AGAP1: variants seen among roughly 807,000 people sequenced by gnomAD.
AGAP1 encodes the protein ArfGAP with GTPase domain, ankyrin repeat and PH domain 1.
In AGAP1, 29 loss-of-function variants were observed where a neutral mutation model predicts 105.3. That is an observed-to-expected ratio of 0.28 (90% confidence interval 0.21 to 0.38). AGAP1 has a LOEUF of 0.38. Among genes scored for constraint, AGAP1 ranks in the 10% least tolerant of loss-of-function variants. The pLI is 1.00. For synonymous variants in AGAP1, 509 were observed against 485.9 expected, an observed-to-expected ratio of 1.05 and a Z score of -0.63; for missense variants, 998 against 1,165.1, an observed-to-expected ratio of 0.86 and a Z score of 2.09.
rs956521379 is a variant in AGAP1, at chr2:235,750,736, A to G, written c.673+248A>G. ...CTGGTGTTGGGTCTGTGTGTCTCCTATGGGGCCTTTTTGTGTACAGGATAG... is the reference window on the plus strand; with the variant it reads ...CTGGTGTTGGGTCTGTGTGTCTCCTGTGGGGCCTTTTTGTGTACAGGATAG... On this transcript the variant is annotated intron_variant, in intron 6 of 17. Transcript: ENST00000304032. The surrounding 1 kb of genome is among the most constrained non-coding windows in gnomAD (Gnocchi z 5.3). Among the ~76,000 whole-genome samples, 11 of 152,166 alleles carry G rather than the reference A, an allele frequency of 7.2e-5. No homozygotes were observed. The highest frequency in any genetic ancestry group is 2.2e-4 in the African/African-American group (9 of 41,446).
At position 235,971,741 on chromosome 2, in the gene AGAP1, T is replaced by TTTA. The variant is rs2054651775; in HGVS notation, c.1645+3120_1645+3121insATT. On this transcript the variant is annotated intron_variant, in intron 13 of 17. Coordinates refer to ENST00000304032, the MANE Select transcript of AGAP1 (RefSeq NM_001037131.3). The surrounding 1 kb of genome is among the most constrained non-coding windows in gnomAD (Gnocchi z 4.8). Reference sequence around the variant, plus strand: ...ACTAAAGCTAGTTATATATGTTTTATTTTATTTATTTATTTATTTATTTAT... The same window carrying TTTA: ...ACTAAAGCTAGTTATATATGTTTTATTTATTTATTTATTTATTTATTTATTTAT... 6.9e-6 allele frequency among the ~76,000 whole-genome samples: 1 copy of TTTA among 145,678 alleles called. No individual in the cohort carries two copies. Among genetic ancestry groups the TTTA allele is most frequent in the African/African-American group, 2.6e-5 (1 of 38,834 alleles).
At chr2:235,514,294 T>C (rs1266763905) in intron 1 of AGAP1, among the ~76,000 whole-genome samples, 1 of 152,268 alleles carries the variant, frequency 6.6e-6, no homozygotes, top group African/African-American at 2.4e-5. Context: ...GCTTAAGCCT[T>C]TAAATAGCTC....
At chr2:236,115,226 C>T (rs548998545) in intron 16 of AGAP1, among the ~76,000 whole-genome samples, 22 of 152,338 alleles carry the variant, frequency 1.4e-4, no homozygotes, top group African/African-American at 4.6e-4. Flanking sequence ...TTTCTTCAGT[C>T]GTGACAGCCG....
In AGAP1 at chr2:235,601,597, G is replaced by C. The variant is rs757207577; in HGVS notation, c.163+106748G>C. Among the ~76,000 whole-genome samples the C allele has an allele frequency of 2.8e-4, 43 of 152,106 alleles. No individual in the cohort carries two copies. The highest frequency in any genetic ancestry group is 5.7e-4 in the Non-Finnish European group (39 of 68,032). Reference sequence around the variant, plus strand: ...GAGACTTATTTTCTACCACAGAACAGAATAGGGGAACCCACCCCCAAGATT... The same window carrying C: ...GAGACTTATTTTCTACCACAGAACACAATAGGGGAACCCACCCCCAAGATT... On this transcript the variant is annotated intron_variant, in intron 1 of 17. Coordinates refer to ENST00000304032, the MANE Select transcript of AGAP1 (RefSeq NM_001037131.3). The surrounding 1 kb of genome is among the most constrained non-coding windows in gnomAD (Gnocchi z 4.4).
Position 235,967,873 on chromosome 2 carries a change from G to GCAGGC in AGAP1, c.1484-587_1484-583dup, listed in dbSNP as rs2054473197. Among the ~76,000 whole-genome samples, 1 of 152,158 alleles carries GCAGGC rather than the reference G, an allele frequency of 6.6e-6. No individual in the cohort carries two copies. Among genetic ancestry groups the GCAGGC allele is most frequent in the Non-Finnish European group, 1.5e-5 (1 of 68,034 alleles). ...AGTAGCTTCAATGAATCAAAAATTG[G>GCAGGC]CAGGCCTACTATATCGACTTCCAAA... is the stretch of plus-strand genomic sequence containing the variant. On this transcript the variant is annotated intron_variant, in intron 12 of 17. Coordinates refer to ENST00000304032, the MANE Select transcript of AGAP1 (RefSeq NM_001037131.3). The surrounding 1 kb of genome is among the most constrained non-coding windows in gnomAD (Gnocchi z 4.7).
intron 13 of AGAP1, among the ~76,000 whole-genome samples, chr2:236,021,453 C>CA (rs1446385534): frequency 6.6e-6 from 1 of 152,144 alleles, no homozygotes; most frequent in Non-Finnish European, 1.5e-5. Context: ...TAGGCCTGCC[C>CA]AACATGGCCG....
intron 6 of AGAP1, among the ~76,000 whole-genome samples, chr2:235,765,852 A>G (rs1954908662): frequency 6.6e-6 from 1 of 152,208 alleles, no homozygotes; most frequent in Non-Finnish European, 1.5e-5. Context: ...GCCCGCACCA[A>G]GATTTCATTA....
Position 235,689,661 on chromosome 2 carries a change from G to C in AGAP1, c.164-19518G>C, listed in dbSNP as rs1178670206. On this transcript the variant is annotated intron_variant, in intron 1 of 17. Transcript: ENST00000304032. This position sits in a 1 kb window ranked among gnomAD's most constrained non-coding sequence, Gnocchi z 4.2. Reference sequence around the variant, plus strand: ...AGGGACCTCCCCTAACCTCAAATCTGTGTAATGAAGTATCTGCAACATTTC... The same window carrying C: ...AGGGACCTCCCCTAACCTCAAATCTCTGTAATGAAGTATCTGCAACATTTC... 6.6e-6 allele frequency among the ~76,000 whole-genome samples: 1 copy of C among 152,200 alleles called. No individual in the cohort carries two copies. Among genetic ancestry groups the C allele is most frequent in the African/African-American group, 2.4e-5 (1 of 41,460 alleles).
intron 13 of AGAP1, among the ~76,000 whole-genome samples, chr2:236,032,923 G>A (rs78229837): frequency 0.028 from 4,333 of 152,300 alleles, 85 homozygotes; most frequent in Non-Finnish European, 0.043. Flanking sequence ...CCAGTATACG[G>A]AGAAGACAGG....
At chr2:236,081,239 G>T (rs1444371932) in intron 16 of AGAP1, among the ~76,000 whole-genome samples, 1 of 152,076 alleles carries the variant, frequency 6.6e-6, no homozygotes, top group African/African-American at 2.4e-5. Flanking sequence ...TAAGGACAGT[G>T]GGCAGGAGGC....
At position 235,963,968 on chromosome 2, in the gene AGAP1, A is replaced by G. The variant is rs969766225; in HGVS notation, c.1484-4494A>G. Reference sequence around the variant, plus strand: ...ACACTCATAAAAACAACCGCTGGATAACGGAAGAGAGTTTATGATATAATG... The same window carrying G: ...ACACTCATAAAAACAACCGCTGGATGACGGAAGAGAGTTTATGATATAATG... On this transcript the variant is annotated intron_variant, in intron 12 of 17. Transcript: ENST00000304032. This position sits in a 1 kb window ranked among gnomAD's most constrained non-coding sequence, Gnocchi z 5.1. 2.0e-5 allele frequency among the ~76,000 whole-genome samples: 3 copies of G among 152,154 alleles called. No homozygotes were observed. The highest frequency in any genetic ancestry group is 4.4e-5 in the Non-Finnish European group (3 of 68,040).
At chr2:235,814,942 C>T (rs956475746) in intron 9 of AGAP1, among the ~76,000 whole-genome samples, 6 of 152,104 alleles carry the variant, frequency 3.9e-5, no homozygotes, top group South Asian at 2.1e-4. Flanking sequence ...CATGGCCGCA[C>T]GGAGTGGATC....
At position 235,553,694 on chromosome 2, in the gene AGAP1, G is replaced by A. The variant is rs1231925445; in HGVS notation, c.163+58845G>A. Among the ~76,000 whole-genome samples the A allele has an allele frequency of 1.3e-5, 2 of 151,952 alleles. No homozygotes were observed. The highest frequency in any genetic ancestry group is 2.1e-4 in the South Asian group (1 of 4,810). On this transcript the variant is annotated intron_variant, in intron 1 of 17. Coordinates refer to ENST00000304032, the MANE Select transcript of AGAP1 (RefSeq NM_001037131.3). The surrounding 1 kb of genome is among the most constrained non-coding windows in gnomAD (Gnocchi z 4.5). ...AAGTTGCCTCCAGGGCCCTGGATTT[G>A]GAGGGAGCCAACTGCCAGAGTCTCA...
Position 235,825,488 on chromosome 2 carries a change from A to G in AGAP1, c.1050+18157A>G, listed in dbSNP as rs185151981. Among the ~76,000 whole-genome samples the G allele has an allele frequency of 8.2e-4, 125 of 152,278 alleles. 2 individuals are homozygous for G. In the East Asian group the frequency reaches 0.02, roughly 24 times the overall value. On this transcript the variant is annotated intron_variant, in intron 9 of 17. Transcript: ENST00000304032. Reference sequence around the variant, plus strand: ...TTTTTCTATTGCCCTTCCCGTGATCACTTATGCATATAAATATCATTATGC... The same window carrying G: ...TTTTTCTATTGCCCTTCCCGTGATCGCTTATGCATATAAATATCATTATGC...
intron 1 of AGAP1, among the ~76,000 whole-genome samples, chr2:235,652,229 G>A (rs891743132): frequency 6.6e-6 from 1 of 152,112 alleles, no homozygotes; most frequent in African/African-American, 2.4e-5. Context: ...TCTGGGAGCA[G>A]CCCACCTGTC....
intron 16 of AGAP1, among the ~76,000 whole-genome samples, chr2:236,068,201 G>A (rs1486839836): frequency 2.0e-5 from 3 of 152,074 alleles, no homozygotes; most frequent in African/African-American, 7.2e-5. Context: ...AATCCAGGAG[G>A]CAGAGGTTGT....
chr2:236,112,429 G>C (rs971610275), intron 16 of AGAP1, among the ~76,000 whole-genome samples: 1 of 151,234 alleles, frequency 6.6e-6, no homozygotes, highest in Non-Finnish European at 1.5e-5. Flanking sequence ...AAAAAAAAAG[G>C]AAAACGAAAG....
chr2:235,949,951 A>G (rs187784261), intron 12 of AGAP1, among the ~76,000 whole-genome samples: 10 of 152,338 alleles, frequency 6.6e-5, no homozygotes, highest in Admixed American at 2.0e-4. Flanking sequence ...TCGTGGAAGA[A>G]ACTGCACCTG....
intron 1 of AGAP1, among the ~76,000 whole-genome samples, chr2:235,637,569 A>C (rs1382373725): frequency 6.6e-6 from 1 of 152,030 alleles, no homozygotes; most frequent in Non-Finnish European, 1.5e-5. Flanking sequence ...GGTATGAGCC[A>C]CCGTGCTCGG....
Sources: allele counts gnomAD v4.1 joint callset (sites outside exome capture counted in the v4.1 genomes callset), GRCh38; gene constraint gnomAD v4.1.1; non-coding constraint Gnocchi (gnomAD v3.1); transcripts MANE v1.5; gene names NCBI Gene and HGNC (gene_info 2026-07-23, HGNC 2026-07-21).